Variants in CASK observed in about 807,000 individuals in gnomAD.
CASK encodes peripheral plasma membrane protein CASK.
CASK carries 4 observed loss-of-function variants against 82.9 expected under a neutral mutation model. The ratio of observed to expected loss-of-function variants is 0.05; its 90% CI spans 0.02 to 0.11. CASK has a LOEUF of 0.11. Among genes scored for constraint, CASK ranks in the 10% least tolerant of loss-of-function variants. CASK has a pLI of 1.00. For missense variants in CASK, 358 were observed against 720.9 expected (o/e 0.50, Z 5.76); for synonymous variants, 259 against 253.5 (o/e 1.02, Z -0.20).
chrX:41,621,678 C>A (rs978555080), intron 11 of CASK, among the ~76,000 whole-genome samples: 1 of 111,900 alleles, frequency 8.9e-6, no homozygotes, highest in Non-Finnish European at 1.9e-5. Flanking sequence ...TAAGGTAATT[C>A]ATTACCCAAC....
At chrX:41,739,809 A>T (rs992065965) in intron 4 of CASK, among the ~76,000 whole-genome samples, 23 of 112,735 alleles carry the variant, frequency 2.0e-4, no homozygotes, top group African/African-American at 6.8e-4. Flanking sequence ...GGACTGCGTT[A>T]TGTAAACAGT....
intron 2 of CASK, among the ~76,000 whole-genome samples, chrX:41,836,139 G>A (rs2070922168): frequency 2.7e-5 from 3 of 110,583 alleles, no homozygotes; most frequent in African/African-American, 9.8e-5. Context: ...TTGCCCTGTG[G>A]GGAAAAAAAG....
rs777875030 is a variant in CASK, at chrX:41,695,732, G to A, written c.430-24202C>T. ...TTATAACCAATCATAGCGACCAACC[G>A]CCACAAAACTTCTCAGCAACACCAA... On this transcript the variant is annotated intron_variant, in intron 5 of 26. Coordinates refer to ENST00000378163, the MANE Select transcript of CASK (RefSeq NM_001367721.1). The A allele has an allele frequency of 2.1e-5, 25 of 1,205,559 alleles. No homozygotes were observed. The Admixed American group carries it at 3.7e-4, about 18-fold the overall frequency.
At chrX:41,711,377 T>C in intron 5 of CASK, among the ~76,000 whole-genome samples, 1 of 112,186 alleles carries the variant, frequency 8.9e-6, no homozygotes. Flanking sequence ...TGAGTTTTGT[T>C]TTCCTTCCAA....
intron 22 of CASK, among the ~76,000 whole-genome samples, chrX:41,537,157 C>A (rs1223773392): frequency 1.8e-5 from 2 of 110,811 alleles, no homozygotes; most frequent in Non-Finnish European, 3.8e-5. Flanking sequence ...TAGATGTCAA[C>A]CATCAAAACC....
At chrX:41,679,164 A>AG (rs1248404422) in intron 5 of CASK, among the ~76,000 whole-genome samples, 3 of 111,917 alleles carry the variant, frequency 2.7e-5, no homozygotes, top group Non-Finnish European at 5.6e-5. Context: ...AATGCACAAA[A>AG]GCGTACCATT....
chrX:41,861,242 GTGTT>G (rs900028111), intron 1 of CASK, among the ~76,000 whole-genome samples: 25 of 111,566 alleles, frequency 2.2e-4, no homozygotes, highest in African/African-American at 6.2e-4. Context: ...GTGTGTGTGT[GTGTT>G]TGTGTGCGTG....
chrX:41,723,262 TTC>T (rs1197540947), intron 5 of CASK, among the ~76,000 whole-genome samples: 2 of 111,937 alleles, frequency 1.8e-5, no homozygotes, highest in Non-Finnish European at 3.8e-5. Context: ...TAGATTTCTG[TTC>T]TCTTTTTCAG....
chrX:41,895,002 T>C (rs1409234702), intron 1 of CASK, among the ~76,000 whole-genome samples: 1 of 111,723 alleles, frequency 9.0e-6, no homozygotes, highest in Non-Finnish European at 1.9e-5. Flanking sequence ...CACTTCTCTA[T>C]CCTATTGCTC....
chrX:41,883,589 C>T (rs950529043), intron 1 of CASK, among the ~76,000 whole-genome samples: 3 of 111,476 alleles, frequency 2.7e-5, no homozygotes, highest in African/African-American at 9.8e-5. Flanking sequence ...GCTTCTCCCC[C>T]GTGGAGCTTA....
At chrX:41,718,658 AT>A (rs909117257) in intron 5 of CASK, among the ~76,000 whole-genome samples, 2 of 111,317 alleles carry the variant, frequency 1.8e-5, no homozygotes, top group African/African-American at 3.3e-5. Flanking sequence ...TTTGTGTGTG[AT>A]TTTTTTTCTT....
At chrX:41,539,801 G>A (rs947209708) in intron 22 of CASK, among the ~76,000 whole-genome samples, 3 of 112,255 alleles carry the variant, frequency 2.7e-5, no homozygotes, top group Non-Finnish European at 5.6e-5. Context: ...AAATGGAAGA[G>A]TTGGTTGATG....
intron 12 of CASK, among the ~76,000 whole-genome samples, chrX:41,607,820 G>GA (rs1223236752): frequency 2.7e-5 from 3 of 111,897 alleles, no homozygotes; most frequent in Admixed American, 9.5e-5. Context: ...GGAAATAGCA[G>GA]TGTGACCTAG....
At chrX:41,682,648 T>C (rs2067379705) in intron 5 of CASK, among the ~76,000 whole-genome samples, 1 of 105,188 alleles carries the variant, frequency 9.5e-6, no homozygotes, top group South Asian at 4.5e-4. Context: ...TCTCACTCTG[T>C]CACCCAGGCT....
chrX:41,789,485 G>C lies in CASK; in HGVS notation c.173-2202C>G, dbSNP rs372721608. Reference sequence around the variant, plus strand: ...AAAGATGCCTCCATCTCCAAAAGTAGTTAGGAAGGCCCCGCAGGAGGGGAG... The same window carrying C: ...AAAGATGCCTCCATCTCCAAAAGTACTTAGGAAGGCCCCGCAGGAGGGGAG... On this transcript the variant is annotated intron_variant, in intron 2 of 26. Transcript: ENST00000378163. Among the ~76,000 whole-genome samples, 5 of 111,320 alleles carry C rather than the reference G, an allele frequency of 4.5e-5. No homozygotes were observed. In the East Asian group the frequency reaches 1.1e-3, roughly 25 times the overall value.
chrX:41,610,051 C>G, intron 11 of CASK, 26 bp from the exon 12 acceptor site: 1 of 1,202,809 alleles, frequency 8.3e-7, no homozygotes, highest in Non-Finnish European at 1.1e-6. Context: ...AGAAAAGAAA[C>G]AGCCAGTATA....
chrX:41,865,981 G>A (rs1232639408), intron 1 of CASK, among the ~76,000 whole-genome samples: 3 of 112,330 alleles, frequency 2.7e-5, no homozygotes, highest in Non-Finnish European at 3.8e-5. Flanking sequence ...GCTTCGCTGC[G>A]GCTGCAGCTG....
intron 8 of CASK, among the ~76,000 whole-genome samples, chrX:41,651,105 T>C (rs960353279): frequency 4.4e-4 from 49 of 112,321 alleles, no homozygotes; most frequent in African/African-American, 1.5e-3. Flanking sequence ...ACTATAATCA[T>C]TGGCAGGAAC....
intron 1 of CASK, among the ~76,000 whole-genome samples, chrX:41,877,062 G>C (rs2071838955): frequency 9.0e-6 from 1 of 111,438 alleles, no homozygotes; most frequent in Non-Finnish European, 1.9e-5. Context: ...TTTTAATAGA[G>C]TGGGTTAGAA....
Sources: gnomAD v4.1 joint callset for allele counts (sites outside exome capture counted in the v4.1 genomes callset) on GRCh38, gnomAD v4.1.1 for gene constraint, MANE v1.5 for transcripts, NCBI Gene and HGNC (gene_info 2026-07-23, HGNC 2026-07-21) for gene names.